PTPRM: variants seen among roughly 807,000 people sequenced by gnomAD.
The protein encoded by PTPRM is receptor-type tyrosine-protein phosphatase mu.
A neutral mutation model predicts 186.7 loss-of-function variants in PTPRM; 47 were observed. The ratio of observed to expected loss-of-function variants is 0.25; its 90% CI spans 0.20 to 0.32. PTPRM has a LOEUF of 0.32. Ranked by LOEUF, PTPRM falls within the 10% of genes least tolerant of loss-of-function variation. The pLI is 1.00. For missense variants in PTPRM, 1,494 were observed against 1,865.0 expected, an observed-to-expected ratio of 0.80 and a Z score of 3.66; for synonymous variants, 668 against 674.9, an observed-to-expected ratio of 0.99 and a Z score of 0.16.
chr18:7,594,669 G>A (rs1263286986), intron 1 of PTPRM, among the ~76,000 whole-genome samples: 2 of 152,140 alleles, frequency 1.3e-5, no homozygotes, highest in Admixed American at 1.3e-4. Context: ...CTACTCTGAG[G>A]TTTCCACCCA....
intron 2 of PTPRM, among the ~76,000 whole-genome samples, chr18:7,877,842 C>T (rs1012086336): frequency 1.3e-5 from 2 of 152,106 alleles, no homozygotes; most frequent in Admixed American, 6.5e-5. Flanking sequence ...CGAACTGACT[C>T]AGATTGAGAG....
chr18:7,750,503 T>C (rs910503490), intron 1 of PTPRM, among the ~76,000 whole-genome samples: 3 of 152,172 alleles, frequency 2.0e-5, no homozygotes, highest in African/African-American at 7.2e-5. Context: ...GTATCAGTCT[T>C]TACTCAGCTG....
chr18:8,144,773 A>T (rs747935991), intron 14 of PTPRM, among the ~76,000 whole-genome samples: 4 of 152,238 alleles, frequency 2.6e-5, no homozygotes, highest in Admixed American at 2.6e-4. Flanking sequence ...TCTTCGATTT[A>T]TGTAAAAATC....
intron 19 of PTPRM, among the ~76,000 whole-genome samples, chr18:8,257,586 A>T (rs141991695): frequency 6.6e-6 from 1 of 152,214 alleles, no homozygotes; most frequent in Non-Finnish European, 1.5e-5. Flanking sequence ...TTCTATCTCT[A>T]TTCAAAAATG....
intron 13 of PTPRM, among the ~76,000 whole-genome samples, chr18:8,142,539 G>A (rs1334077731): frequency 6.6e-6 from 1 of 151,888 alleles, no homozygotes. Flanking sequence ...TGGTCTTGGG[G>A]GCTCAGACAC....
At chr18:8,262,191 CCCTA>C (rs1363728546) in intron 19 of PTPRM, among the ~76,000 whole-genome samples, 5 of 152,214 alleles carry the variant, frequency 3.3e-5, no homozygotes, top group African/African-American at 1.2e-4. Flanking sequence ...CTCTCCCCTC[CCCTA>C]GGGCCTGCCC....
chr18:7,857,122 G>T (rs931249165), intron 2 of PTPRM, among the ~76,000 whole-genome samples: 1 of 152,080 alleles, frequency 6.6e-6, no homozygotes, highest in African/African-American at 2.4e-5. Context: ...GCTTTTCTCT[G>T]CTGTGGGAAA....
chr18:7,842,945 TATAGAGAGAG>T (rs1427398046), intron 2 of PTPRM, among the ~76,000 whole-genome samples: 1 of 115,112 alleles, frequency 8.7e-6, no homozygotes, highest in Non-Finnish European at 1.7e-5. Flanking sequence ...TATATATATA[TATAGAGAGAG>T]AGAGAGAGAG....
chr18:7,901,119 C>G (rs908343201), intron 3 of PTPRM, among the ~76,000 whole-genome samples: 1 of 152,148 alleles, frequency 6.6e-6, no homozygotes, highest in Admixed American at 6.6e-5. Flanking sequence ...CCACTGGGTT[C>G]TGCACACACT....
At chr18:7,850,719 C>T (rs1530389) in intron 2 of PTPRM, among the ~76,000 whole-genome samples, 106,795 of 152,082 alleles carry the variant, frequency 0.7, 38,335 homozygotes, top group East Asian at 0.96. Flanking sequence ...AATCTGTTCC[C>T]AGCCTGTGCC....
intron 2 of PTPRM, among the ~76,000 whole-genome samples, chr18:7,817,893 G>A (rs563467339): frequency 6.6e-5 from 10 of 152,162 alleles, no homozygotes; most frequent in Non-Finnish European, 1.2e-4. Flanking sequence ...AAGGGAATGA[G>A]GCTACAGACC....
At chr18:7,733,500 G>A (rs1050615807) in intron 1 of PTPRM, among the ~76,000 whole-genome samples, 2 of 152,106 alleles carry the variant, frequency 1.3e-5, no homozygotes, top group Non-Finnish European at 2.9e-5. Context: ...AGGCATTTGG[G>A]CTGGCTCCAA....
chr18:8,069,811 T>C lies in PTPRM; in HGVS notation c.1258T>C (p.Cys420Arg), dbSNP rs139024463. Residue 420 changes from cysteine to arginine, a missense_variant, in exon 8 of 33, where the codon TGT (cysteine) becomes CGT (arginine). This residue lies in a region of PTPRM where 1,107 missense variants were observed against 1,350.2 expected (regional missense o/e 0.82). Transcript: ENST00000580170. ...CAGTTATAATCTCACTGTCCACTAC[T>C]GTTACCAAGTTGGAGGACAAGAACA... ...CHSYNLTVHY[C>R]YQVGGQEQVR... 17 of 1,614,120 alleles carry C rather than the reference T, an allele frequency of 1.1e-5. No homozygotes were observed. Among genetic ancestry groups the C allele is most frequent in the Non-Finnish European group, 1.4e-5 (16 of 1,179,982 alleles).
At chr18:7,732,431 A>C (rs2040679930) in intron 1 of PTPRM, among the ~76,000 whole-genome samples, 2 of 152,252 alleles carry the variant, frequency 1.3e-5, no homozygotes, top group African/African-American at 4.8e-5. Context: ...GGTAGCCAGG[A>C]GTCCAGCTAA....
At chr18:7,825,295 A>G (rs569951685) in intron 2 of PTPRM, among the ~76,000 whole-genome samples, 4 of 152,288 alleles carry the variant, frequency 2.6e-5, no homozygotes, top group Non-Finnish European at 5.9e-5. Flanking sequence ...TTCAAGGGAA[A>G]CACAGCTAGG....
intron 14 of PTPRM, among the ~76,000 whole-genome samples, chr18:8,201,425 C>T (rs549752278): frequency 6.6e-6 from 1 of 152,308 alleles, no homozygotes; most frequent in South Asian, 2.1e-4. Flanking sequence ...ATGTGAATGG[C>T]TCATTAGTAC....
chr18:7,808,973 A>G (rs1018774054), intron 2 of PTPRM, among the ~76,000 whole-genome samples: 1 of 152,180 alleles, frequency 6.6e-6, no homozygotes, highest in African/African-American at 2.4e-5. Flanking sequence ...CAACAGTAAT[A>G]ACAGCTGCTG....
intron 22 of PTPRM, among the ~76,000 whole-genome samples, chr18:8,341,764 A>G (rs1383768668): frequency 6.6e-6 from 1 of 151,844 alleles, no homozygotes; most frequent in East Asian, 2.0e-4. Context: ...CTTGTGAATA[A>G]GTAACAAGCT....
rs1166630685 is a variant in PTPRM at position 8,069,882 on chromosome 18, A to G, written c.1329A>G (p.Gln443=). The change falls in exon 8 of 33, where the codon CAA becomes CAG. Residue 443 remains glutamine (Q), a synonymous_variant. Coordinates refer to ENST00000580170, the MANE Select transcript of PTPRM (RefSeq NM_001105244.2). The stretch of plus-strand genomic sequence containing the variant: ...GGGATACAGAAAACTCACACCCTCA[A>G]CACACGATCACTAACCTGTCACCAT... ...VSWDTENSHP[Q]HTITNLSPYT... The G allele has an allele frequency of 2.5e-6, 4 of 1,613,770 alleles. No individual in the cohort carries two copies. The highest frequency in any genetic ancestry group is 3.4e-6 in the Non-Finnish European group (4 of 1,179,748).
Sources: gnomAD v4.1 joint callset for allele counts (sites outside exome capture counted in the v4.1 genomes callset) on GRCh38, gnomAD v4.1.1 for gene constraint, gnomAD v4.1.1 regional missense constraint, MANE v1.5 for transcripts, NCBI Gene and HGNC (gene_info 2026-07-23, HGNC 2026-07-21) for gene names.